CAPN2: variants seen among roughly 807,000 people sequenced by gnomAD.
The protein encoded by CAPN2 is calpain-2 catalytic subunit.
A neutral mutation model predicts 102.3 loss-of-function variants in CAPN2; 92 were observed. The ratio of observed to expected loss-of-function variants is 0.90; its 90% CI spans 0.76 to 1.07. The LOEUF is 1.07. Among genes scored for constraint, CAPN2 ranks in the 50% least tolerant of loss-of-function variants. The probability of loss-of-function intolerance (pLI) is 0.00; values close to 1 mark genes in which losing one functional copy is unlikely to be tolerated. For missense variants in CAPN2, 800 were observed against 909.4 expected (o/e 0.88, Z 1.55); for synonymous variants, 340 against 355.4 (o/e 0.96, Z 0.49).
upstream of CAPN2, among the ~76,000 whole-genome samples, chr1:223,708,348 C>T (rs762433940): frequency 2.0e-5 from 3 of 151,744 alleles, no homozygotes; most frequent in East Asian, 3.9e-4. Context: ...TCACTTGAAC[C>T]GGGAGGCGGA....
chr1:223,737,721 G>GGAA (rs146144248), intron 2 of CAPN2, among the ~76,000 whole-genome samples: 2 of 70,190 alleles, frequency 2.8e-5, no homozygotes, highest in Non-Finnish European at 5.6e-5. Context: ...GGGTGGGGGG[G>GGAA]AGAGAATACA....
In CAPN2 at chr1:223,751,068, T is replaced by C. The variant is rs550651953; in HGVS notation, c.899+93T>C. 16 of 1,117,396 alleles carry C rather than the reference T, an allele frequency of 1.4e-5. No homozygotes were observed. In the South Asian group the frequency reaches 2.1e-4, roughly 15 times the overall value. 69.2% of individuals were successfully genotyped at this position (1,117,396 alleles called of 1,614,324 possible). ...GCGAGAGAAGAAGACATGTGCATTA[T>C]TCTGAGAAATATAGCCAGGAGAGCC... is the stretch of plus-strand genomic sequence containing the variant. On this transcript the variant is annotated intron_variant, in intron 7 of 20. Coordinates refer to ENST00000295006, the MANE Select transcript of CAPN2 (RefSeq NM_001748.5).
At chr1:223,732,144 A>T (rs760509405) in intron 2 of CAPN2, among the ~76,000 whole-genome samples, 1 of 152,130 alleles carries the variant, frequency 6.6e-6, no homozygotes, top group Non-Finnish European at 1.5e-5. Flanking sequence ...CTAGACGCTC[A>T]GGCCCAGGTC....
intron 3 of CAPN2, 67 bp from the exon 4 acceptor site, chr1:223,745,239 C>T: frequency 6.2e-7 from 1 of 1,604,326 alleles, no homozygotes; most frequent in South Asian, 1.1e-5. Flanking sequence ...GAGCCAGAGG[C>T]AGCTGAGGCT....
intron 1 of CAPN2, among the ~76,000 whole-genome samples, chr1:223,702,070 G>GGAGGGAGA (rs1659489764): frequency 3.6e-5 from 1 of 27,918 alleles, no homozygotes; most frequent in Non-Finnish European, 9.4e-5. Context: ...AGGAAGGGAG[G>GGAGGGAGA]GAGGGAGGGA....
In CAPN2 at chr1:223,775,644, T is replaced by C. The variant is rs1262562798; in HGVS notation, c.*787T>C. ...TAAGCTGTTTGCCACCTCAAAACTT[T>C]ATGAACTTCACCACCACTAGTGTCT... On this transcript the variant is annotated 3_prime_UTR_variant, in exon 21 of 21. Transcript: ENST00000295006. 6.6e-6 allele frequency: 1 copy of C among 152,640 alleles called. No individual in the cohort carries two copies. The highest frequency in any genetic ancestry group is 2.4e-5 in the African/African-American group (1 of 41,452). 9.5% of individuals were successfully genotyped at this position (152,640 alleles called of 1,614,324 possible).
At chr1:223,730,984 C>T (rs1660323741) in intron 2 of CAPN2, among the ~76,000 whole-genome samples, 1 of 152,194 alleles carries the variant, frequency 6.6e-6, no homozygotes, top group South Asian at 2.1e-4. Flanking sequence ...AACCTGTCCT[C>T]AGGGAGCTAT....
chr1:223,710,199 C>T (rs1659700230), upstream of CAPN2, among the ~76,000 whole-genome samples: 1 of 152,094 alleles, frequency 6.6e-6, no homozygotes, highest in Non-Finnish European at 1.5e-5. Context: ...TCGCTGGAAC[C>T]CGGGAGGCAG....
intron 20 of CAPN2, 37 bp downstream of exon 20, chr1:223,772,276 G>T (rs41315613): frequency 1.3e-6 from 2 of 1,584,984 alleles, no homozygotes; most frequent in African/African-American, 1.3e-5. Flanking sequence ...CTAAGGGGAT[G>T]GGGGAGGCAT....
chr1:223,717,813 A>G lies in CAPN2; in HGVS notation c.289A>G (p.Ile97Val), dbSNP rs767061602. The G allele has an allele frequency of 6.2e-7, 1 of 1,614,052 alleles. No individual in the cohort carries two copies. Among genetic ancestry groups the G allele is most frequent in the African/African-American group, 1.3e-5 (1 of 75,050 alleles). The change falls in exon 2 of 21, where the codon ATC (isoleucine) becomes GTC (valine). Residue 97 changes from isoleucine (I) to valine (V), a missense_variant. Ile to Val is a conservative substitution (Grantham distance 29). Transcript: ENST00000295006. ...CATTGGAGGAGCCACCCGCACAGAC[A>G]TCTGCCAAGGAGCCCTGGGTAAGTG... ...FIIGGATRTDICQGALGDCWL... is the reference protein window; with the variant it reads ...FIIGGATRTDVCQGALGDCWL...
At chr1:223,740,925 A>C (rs188563699) in intron 2 of CAPN2, among the ~76,000 whole-genome samples, 1 of 152,318 alleles carries the variant, frequency 6.6e-6, no homozygotes, top group Non-Finnish European at 1.5e-5. Context: ...TTGGTTATAC[A>C]TCAAAAGCCT....
chr1:223,734,266 T>TC (rs1660398356), intron 2 of CAPN2, among the ~76,000 whole-genome samples: 1 of 152,088 alleles, frequency 6.6e-6, no homozygotes, highest in African/African-American at 2.4e-5. Context: ...TTCTCAGTGC[T>TC]CCCCCTCTTT....
intron 2 of CAPN2, among the ~76,000 whole-genome samples, chr1:223,735,594 G>A (rs748681080): frequency 1.1e-4 from 16 of 151,588 alleles, no homozygotes; most frequent in Non-Finnish European, 2.1e-4. Flanking sequence ...AACCACCTCT[G>A]GTCCAGCCTC....
chr1:223,736,144 G>A (rs1660450595), intron 2 of CAPN2, among the ~76,000 whole-genome samples: 1 of 152,174 alleles, frequency 6.6e-6, no homozygotes, highest in Admixed American at 6.5e-5. Flanking sequence ...CTGTCCACTA[G>A]GCCAGCAGGG....
Position 223,755,734 on chromosome 1 carries a change from T to G in CAPN2, c.1305+85T>G. The G allele has an allele frequency of 1.4e-5, 18 of 1,322,560 alleles. No homozygotes were observed. The highest frequency in any genetic ancestry group is 1.8e-5 in the Non-Finnish European group (18 of 983,566). 81.9% of individuals were successfully genotyped at this position (1,322,560 alleles called of 1,614,324 possible). A position where few individuals can be genotyped will look rare whatever the true frequency, so the allele number is the denominator to read the frequency against. On this transcript the variant is annotated intron_variant, in intron 10 of 20. Coordinates refer to ENST00000295006, the MANE Select transcript of CAPN2 (RefSeq NM_001748.5). The surrounding 1 kb of genome is among the most constrained non-coding windows in gnomAD (Gnocchi z 4.1). ...GGAAAGCTGACCCCAGAGGCAGAAC[T>G]GGGGATGGGATCCCAGACCGGGAGC...
chr1:223,722,136 C>T (rs1434181125), intron 2 of CAPN2, among the ~76,000 whole-genome samples: 4 of 151,962 alleles, frequency 2.6e-5, no homozygotes, highest in African/African-American at 9.7e-5. Flanking sequence ...TTGGGTAACA[C>T]ACAGATTGAA....
intron 2 of CAPN2, among the ~76,000 whole-genome samples, chr1:223,721,548 T>C (rs924650218): frequency 3.3e-5 from 5 of 152,156 alleles, no homozygotes; most frequent in African/African-American, 9.7e-5. Flanking sequence ...CACACCCCCA[T>C]TTCATTGTAA....
chr1:223,767,172 C>T (rs930194650), intron 16 of CAPN2, among the ~76,000 whole-genome samples: 4 of 150,574 alleles, frequency 2.7e-5, no homozygotes, highest in Admixed American at 6.6e-5. Flanking sequence ...TCGTCGTCTT[C>T]TTTATTTATT....
At chr1:223,767,227 T>C (rs1224355387) in intron 16 of CAPN2, among the ~76,000 whole-genome samples, 2 of 152,228 alleles carry the variant, frequency 1.3e-5, no homozygotes, top group African/African-American at 4.8e-5. Flanking sequence ...TTAGGGTACA[T>C]GTGCACAATG....
Sources: gnomAD v4.1 joint callset for allele counts (sites outside exome capture counted in the v4.1 genomes callset) on GRCh38, gnomAD v4.1.1 for gene constraint, Gnocchi (gnomAD v3.1) non-coding constraint, MANE v1.5 for transcripts, NCBI Gene and HGNC (gene_info 2026-07-23, HGNC 2026-07-21) for gene names.